ACRBP: variants seen among roughly 807,000 people sequenced by gnomAD.
ACRBP encodes acrosin binding protein.
A neutral mutation model predicts 69.0 loss-of-function variants in ACRBP; 52 were observed. That is an observed-to-expected ratio of 0.75 (90% CI 0.60 to 0.95). ACRBP has a LOEUF of 0.95. Ranked by LOEUF, ACRBP falls within the 40% of genes least tolerant of loss-of-function variation. The pLI is 0.00. For missense variants in ACRBP, 604 were observed against 673.0 expected (o/e 0.90, Z 1.13); for synonymous variants, 267 against 258.9 (o/e 1.03, Z -0.30).
In ACRBP at chr12:6,645,207, G is replaced by C; in HGVS notation, c.475+13C>G. 4 of 1,594,198 alleles carry C rather than the reference G, an allele frequency of 2.5e-6. No individual in the cohort carries two copies. Among genetic ancestry groups the C allele is most frequent in the Non-Finnish European group, 3.4e-6 (4 of 1,164,626 alleles). On this transcript the variant is annotated intron_variant, in intron 4 of 9. Coordinates refer to ENST00000229243, the MANE Select transcript of ACRBP (RefSeq NM_032489.3). ...AGTAGCTGGTGGTCTCCCGGCTGCT[G>C]AGAGGGTCTCACCTGTGAAGTGGGG...
At position 6,644,482 on chromosome 12, in the gene ACRBP, C is replaced by T; in HGVS notation, c.599G>A (p.Gly200Glu). 1 of 1,614,038 alleles carries T rather than the reference C, an allele frequency of 6.2e-7. No individual in the cohort carries two copies. The highest frequency in any genetic ancestry group is 8.5e-7 in the Non-Finnish European group (1 of 1,180,034). ...TGTCGGCTCCTGCCTGTGCTCCACT[C>T]CTTGCTCCTGCTTGTGCTCTGGCGC... is the stretch of plus-strand genomic sequence containing the variant. The part of the protein sequence containing the change: ...EQAPEHKQEQ[G>E]VEHRQEPTQE... Residue 200 changes from glycine to glutamate, a missense_variant, in exon 5 of 10, where the codon GGA (glycine) becomes GAA (glutamate). Gly to Glu is a moderately conservative substitution (Grantham distance 98, BLOSUM62 -2). Coordinates refer to ENST00000229243, the MANE Select transcript of ACRBP (RefSeq NM_032489.3).
In ACRBP at chr12:6,640,142, G is replaced by T; in HGVS notation, c.1343C>A (p.Thr448Lys). The change falls in exon 8 of 10, where the codon ACG (threonine) becomes AAG (lysine). Residue 448 changes from threonine (T) to lysine (K), a missense_variant. This residue lies in a region of ACRBP where 532 missense variants were observed against 562.9 expected (regional missense o/e 0.95). Transcript: ENST00000229243. This position sits in a 1 kb window ranked among gnomAD's most constrained non-coding sequence, Gnocchi z 5.3. ...HMDFWCARLA[T>K]KGCEDVRVSG... ...GACTCGGACATCTTCACAGCCTTTC[G>T]TGGCAAGCCGGGCACACCAGAAGTC... 1 of 1,614,184 alleles carries T rather than the reference G, an allele frequency of 6.2e-7. No individual in the cohort carries two copies. The highest frequency in any genetic ancestry group is 8.5e-7 in the Non-Finnish European group (1 of 1,180,038).
rs992420742 is a variant in ACRBP, at chr12:6,639,129, G to A, written c.1426-92C>T. The A allele has an allele frequency of 4.2e-6, 5 of 1,202,782 alleles. No homozygotes were observed. The Admixed American group carries it at 8.9e-5, about 21-fold the overall frequency. The allele number at this position is 1,202,782 out of a possible 1,614,324, so 74.5% of individuals were successfully genotyped here. On this transcript the variant is annotated intron_variant, in intron 8 of 9. Coordinates refer to ENST00000229243, the MANE Select transcript of ACRBP (RefSeq NM_032489.3). The stretch of plus-strand genomic sequence containing the variant: ...AATATCTGCTAGGGCAGAGCCAGGG[G>A]CAGGGTGTGGCCCAAGACCCAGGTC...
At position 6,640,197 on chromosome 12, in the gene ACRBP, C is replaced by T. The variant is rs140185383; in HGVS notation, c.1288G>A (p.Gly430Arg). Residue 430 changes from glycine (G) to arginine (R), a missense_variant, in exon 8 of 10, where the codon GGG becomes AGG. Gly to Arg is a moderately radical substitution (Grantham distance 125). This residue lies in a region of ACRBP where 532 missense variants were observed against 562.9 expected (regional missense o/e 0.95). Transcript: ENST00000229243. The surrounding 1 kb of genome is among the most constrained non-coding windows in gnomAD (Gnocchi z 5.3). ...VGSPESGRFY[G>R]LDLYGGLHMD... ...TGGAGCCCACCGTACAAATCCAGCC[C>T]GTAAAAGCGGCCTGATTCTGGGGAC... 2.2e-4 allele frequency: 353 copies of T among 1,614,162 alleles called. 1 individual carries two copies. Among genetic ancestry groups the T allele is most frequent in the Non-Finnish European group, 1.6e-4 (183 of 1,180,034 alleles).
Position 6,640,818 on chromosome 12 carries a change from G to T in ACRBP, c.1078-296C>A, listed in dbSNP as rs148809816. Among the ~76,000 whole-genome samples the T allele has an allele frequency of 4.5e-4, 69 of 152,160 alleles. 1 individual carries two copies. The highest frequency in any genetic ancestry group is 8.1e-4 in the Non-Finnish European group (55 of 67,998). On this transcript the variant is annotated intron_variant, in intron 6 of 9. Coordinates refer to ENST00000229243, the MANE Select transcript of ACRBP (RefSeq NM_032489.3). The surrounding 1 kb of genome is among the most constrained non-coding windows in gnomAD (Gnocchi z 5.3). Reference sequence around the variant, plus strand: ...CTCTCTTGGGCTCCAAATCCTCATTGCCAAGTGCCTGACAGATGTCTGTGA... The same window carrying T: ...CTCTCTTGGGCTCCAAATCCTCATTTCCAAGTGCCTGACAGATGTCTGTGA...
intron 6 of ACRBP, among the ~76,000 whole-genome samples, chr12:6,642,453 A>G (rs1203975170): frequency 6.6e-6 from 1 of 152,200 alleles, no homozygotes; most frequent in African/African-American, 2.4e-5. Flanking sequence ...GGACACCCAA[A>G]TCTTTGGGTG....
chr12:6,640,039 G>A lies in ACRBP; in HGVS notation c.1425+21C>T. ...GGGGTGAGGGTAGGGATGGGGCTGA[G>A]CTTTGGGGAAAGGTTCTAACCTTGG... On this transcript the variant is annotated intron_variant, in intron 8 of 9. Coordinates refer to ENST00000229243, the MANE Select transcript of ACRBP (RefSeq NM_032489.3). This position sits in a 1 kb window ranked among gnomAD's most constrained non-coding sequence, Gnocchi z 5.3. 1 of 1,613,690 alleles carries A rather than the reference G, an allele frequency of 6.2e-7. No individual in the cohort carries two copies. The highest frequency in any genetic ancestry group is 2.2e-5 in the East Asian group (1 of 44,874).
At chr12:6,646,735 C>A in intron 2 of ACRBP, 59 bp downstream of exon 2, 2 of 1,598,514 alleles carry the variant, frequency 1.3e-6, no homozygotes, top group Non-Finnish European at 1.7e-6. Flanking sequence ...GGGGTTTTTG[C>A]CCTGAGGTTT....
chr12:6,643,948 G>A (rs113470945), intron 5 of ACRBP, 189 bp downstream of exon 5: 2 of 1,201,088 alleles, frequency 1.7e-6, no homozygotes, highest in East Asian at 2.6e-5. Context: ...GGCTTACATA[G>A]AGAATAAGCA....
rs1949069119 is a variant in ACRBP, at chr12:6,643,692, G to A, written c.945-21C>T. The A allele has an allele frequency of 6.2e-6, 10 of 1,610,362 alleles. 1 individual carries two copies. The highest frequency in any genetic ancestry group is 8.5e-6 in the Non-Finnish European group (10 of 1,177,138). ...GGAGGCTGCAAGAAGACAGCACTGA[G>A]GGTGGGGCTGGGCCAGGTGGCCCGG... On this transcript the variant is annotated intron_variant, in intron 5 of 9. Transcript: ENST00000229243.
Position 6,644,177 on chromosome 12 carries a change from A to T in ACRBP, c.904T>A (p.Tyr302Asn). The change falls in exon 5 of 10, where the codon TAT becomes AAT. Residue 302 changes from tyrosine to asparagine, a missense_variant. Tyr to Asn is a moderately radical substitution (Grantham distance 143, BLOSUM62 -2). Around this residue, in one of 3 missense-constraint regions of ACRBP, gnomAD observed 532 missense variants for 562.9 expected, o/e 0.95. Transcript: ENST00000229243. ...AQEIDEMNEI[Y>N]DENSYWRNQN... ...TTTCTCCAGTAGGAGTTCTCATCAT[A>T]TATTTCATTCATTTCATCTATTTCC... is the stretch of plus-strand genomic sequence containing the variant. 6.2e-7 allele frequency: 1 copy of T among 1,607,878 alleles called. No homozygotes were observed. The highest frequency in any genetic ancestry group is 8.5e-7 in the Non-Finnish European group (1 of 1,175,672).
Position 6,647,304 on chromosome 12 carries a change from A to G in ACRBP, c.43+20T>C. On this transcript the variant is annotated intron_variant, in intron 1 of 9. Coordinates refer to ENST00000229243, the MANE Select transcript of ACRBP (RefSeq NM_032489.3). ...GACTAGCCCGGGGAGAGTCTGTTGG[A>G]GCAGGTGTAAACCTCTCACCCTTCA... 6.5e-7 allele frequency: 1 copy of G among 1,548,256 alleles called. No individual in the cohort carries two copies. The highest frequency in any genetic ancestry group is 8.7e-7 in the Non-Finnish European group (1 of 1,148,748).
At chr12:6,647,052 CA>C in intron 1 of ACRBP, 40 bp from the exon 2 acceptor site, 1 of 1,572,218 alleles carries the variant, frequency 6.4e-7, no homozygotes, top group Non-Finnish European at 8.7e-7. Context: ...GACCGAACCC[CA>C]AAACCCGCTC....
Position 6,640,415 on chromosome 12 carries a change from T to C in ACRBP, c.1185A>G (p.Gln395=), listed in dbSNP as rs1030521206. The stretch of plus-strand genomic sequence containing the variant: ...AGGGAGTCTTGTGGGAGGTGTCGCA[T>C]TGTTGCCGCTGCAGGCTGGCCTCTG... ...CHSEASLQRQ[Q]CDTSHKTPFV... Residue 395 remains glutamine, a synonymous_variant, in exon 7 of 10, where the codon CAA becomes CAG. Coordinates refer to ENST00000229243, the MANE Select transcript of ACRBP (RefSeq NM_032489.3). The surrounding 1 kb of genome is among the most constrained non-coding windows in gnomAD (Gnocchi z 5.3). 2 of 1,614,158 alleles carry C rather than the reference T, an allele frequency of 1.2e-6. No homozygotes were observed. Among genetic ancestry groups the C allele is most frequent in the African/African-American group, 1.3e-5 (1 of 75,018 alleles).
chr12:6,645,443 G>T, intron 3 of ACRBP, 106 bp from the exon 4 acceptor site: 1 of 892,220 alleles, frequency 1.1e-6, no homozygotes, highest in Non-Finnish European at 1.8e-6. Flanking sequence ...TCAGTTTCTA[G>T]GCAGGGATAA....
Position 6,644,246 on chromosome 12 carries a change from G to C in ACRBP, c.835C>G (p.Pro279Ala). ...TCCTGGATGTTCTCCATTATCATAG[G>C]AGTAGACTCTACTTCTCGTACCCGG... is the stretch of plus-strand genomic sequence containing the variant. ...APRVREVEST[P>A]MIMENIQELI... The change falls in exon 5 of 10, where the codon CCT becomes GCT. Residue 279 changes from proline to alanine, a missense_variant. Around this residue, in one of 3 missense-constraint regions of ACRBP, gnomAD observed 532 missense variants for 562.9 expected, o/e 0.95. Coordinates refer to ENST00000229243, the MANE Select transcript of ACRBP (RefSeq NM_032489.3). 6.2e-7 allele frequency: 1 copy of C among 1,614,108 alleles called. No homozygotes were observed. Among genetic ancestry groups the C allele is most frequent in the Non-Finnish European group, 8.5e-7 (1 of 1,180,026 alleles).
At chr12:6,639,429 T>C (rs1949035383) in intron 8 of ACRBP, among the ~76,000 whole-genome samples, 1 of 152,206 alleles carries the variant, frequency 6.6e-6, no homozygotes, top group Non-Finnish European at 1.5e-5. Flanking sequence ...TCTTTGGACC[T>C]CGCCTCCCCA....
chr12:6,647,030 GGAT>G lies in ACRBP; in HGVS notation c.44-21_44-19del, dbSNP rs764671803. ...GAGCAGCACTGCGGAGCGGGCGAAC[GGAT>G]GATGGAAGGACCGAACCCCAAAACC... On this transcript the variant is annotated intron_variant, in intron 1 of 9. Coordinates refer to ENST00000229243, the MANE Select transcript of ACRBP (RefSeq NM_032489.3). 2.4e-5 allele frequency: 38 copies of G among 1,603,394 alleles called. No individual in the cohort carries two copies. The highest frequency in any genetic ancestry group is 1.9e-4 in the Middle Eastern group (1 of 5,324).
intron 3 of ACRBP, 132 bp from the exon 4 acceptor site, chr12:6,645,469 G>A (rs1949080919): frequency 1.4e-6 from 1 of 710,540 alleles, no homozygotes; most frequent in African/African-American, 1.8e-5. Flanking sequence ...CATGGTCCCT[G>A]CTGGAACCCT....
Sources: allele counts gnomAD v4.1 joint callset (sites outside exome capture counted in the v4.1 genomes callset), GRCh38; gene constraint gnomAD v4.1.1; regional missense constraint gnomAD v4.1.1; non-coding constraint Gnocchi (gnomAD v3.1); transcripts MANE v1.5; gene names NCBI Gene and HGNC (gene_info 2026-07-23, HGNC 2026-07-21).